The following OR51B5 variants were observed in gnomAD, a reference collection of about 807,000 sequenced individuals.
OR51B5 encodes the protein olfactory receptor family 51 subfamily B member 5.
For synonymous variants in OR51B5, 186 were observed against 144.8 expected (o/e 1.28, Z -2.04); for missense variants, 456 against 374.6 (o/e 1.22, Z -1.79).
intron 1 of OR51B5, among the ~76,000 whole-genome samples, chr11:5,435,319 G>A (rs1850578045): frequency 6.6e-6 from 1 of 152,200 alleles, no homozygotes; most frequent in East Asian, 1.9e-4. Context: ...TATAGATAAT[G>A]TTGCAGACTC....
chr11:5,376,170 A>G (rs4366516), intron 1 of OR51B5, among the ~76,000 whole-genome samples: 40,093 of 151,040 alleles, frequency 0.27, 5,537 homozygotes, highest in African/African-American at 0.31. Flanking sequence ...ACTCAAAACC[A>G]CTCAACTACA....
intron 1 of OR51B5, chr11:5,385,224 A>G (rs1025392719): frequency 6.6e-6 from 1 of 152,194 alleles, no homozygotes; most frequent in Admixed American, 6.5e-5. Context: ...GACATGAAAA[A>G]ATGACTGTTG....
rs139565045 is a variant in OR51B5 at position 5,363,822 on chromosome 11, C to A, written n.85-16912G>T. On this transcript the variant is annotated intron_variant and non_coding_transcript_variant, in intron 1 of 4. Transcript: ENST00000415970. The stretch of plus-strand genomic sequence containing the variant: ...ATACATCCAGACTATATTTAGTGTA[C>A]AATAGAAAGCAATTACCATAGCAAT... Among the ~76,000 whole-genome samples the A allele has an allele frequency of 1.2e-3, 178 of 152,178 alleles. 2 individuals carry two copies. Among genetic ancestry groups the A allele is most frequent in the African/African-American group, 4.0e-3 (168 of 41,510 alleles).
chr11:5,379,394 G>T lies in OR51B5; in HGVS notation n.85-32484C>A, dbSNP rs987982790. Among the ~76,000 whole-genome samples, 3 of 151,536 alleles carry T rather than the reference G, an allele frequency of 2.0e-5. No individual in the cohort carries two copies. The South Asian group carries it at 6.3e-4, about 32-fold the overall frequency. On this transcript the variant is annotated intron_variant and non_coding_transcript_variant, in intron 1 of 4. Coordinates refer to the OR51B5 transcript ENST00000415970. ...GTTAATGGGTGCAGCACACCAACATGGCACATGTATACATATGTAACTAAC... is the reference window on the plus strand; with the variant it reads ...GTTAATGGGTGCAGCACACCAACATTGCACATGTATACATATGTAACTAAC...
intron 1 of OR51B5, chr11:5,422,270 G>A (rs774933989): frequency 1.9e-6 from 3 of 1,613,928 alleles, no homozygotes; most frequent in Admixed American, 1.7e-5. Flanking sequence ...TGGATTTGAG[G>A]CCTCCCACAT....
At chr11:5,478,302 T>C (rs575224165) in intron 1 of OR51B5, among the ~76,000 whole-genome samples, 8 of 151,950 alleles carry the variant, frequency 5.3e-5, no homozygotes, top group African/African-American at 4.8e-5. Context: ...CTGAGGGTCC[T>C]GTCTGTTAGA....
intron 1 of OR51B5, chr11:5,391,886 C>A: frequency 6.6e-6 from 1 of 152,184 alleles, no homozygotes; most frequent in South Asian, 2.1e-4. Flanking sequence ...CTGAACAATA[C>A]AGCAAGACCC....
chr11:5,495,896 T>C (rs930682238), intron 1 of OR51B5, among the ~76,000 whole-genome samples: 8 of 152,276 alleles, frequency 5.3e-5, no homozygotes, highest in Admixed American at 5.2e-4. Context: ...AAAGTTATTC[T>C]CCATAAAATT....
At chr11:5,413,757 A>C (rs1273173312) in intron 1 of OR51B5, among the ~76,000 whole-genome samples, 1 of 152,066 alleles carries the variant, frequency 6.6e-6, no homozygotes, top group Non-Finnish European at 1.5e-5. Flanking sequence ...GAAACGAGCA[A>C]AGCCTCCAAG....
At chr11:5,424,134 C>G (rs1850404038) in intron 1 of OR51B5, among the ~76,000 whole-genome samples, 2 of 152,128 alleles carry the variant, frequency 1.3e-5, no homozygotes, top group African/African-American at 2.4e-5. Flanking sequence ...TTGCTGGATT[C>G]ATGGTGCAGG....
intron 1 of OR51B5, among the ~76,000 whole-genome samples, chr11:5,378,323 A>C (rs1388613242): frequency 6.6e-6 from 1 of 152,064 alleles, no homozygotes; most frequent in African/African-American, 2.4e-5. Flanking sequence ...AGATGGATTA[A>C]AGACTTAAAC....
At chr11:5,477,979 C>G (rs895894734) in intron 1 of OR51B5, among the ~76,000 whole-genome samples, 5 of 151,882 alleles carry the variant, frequency 3.3e-5, no homozygotes, top group African/African-American at 1.2e-4. Flanking sequence ...AACAAAGCAG[C>G]CGGGAAGCTC....
chr11:5,483,514 A>AAAAAAAG (rs1554896858), intron 1 of OR51B5, among the ~76,000 whole-genome samples: 7 of 140,934 alleles, frequency 5.0e-5, no homozygotes, highest in South Asian at 4.9e-4. Context: ...TAATTAAAAA[A>AAAAAAAG]AAAAGAAAAG....
chr11:5,402,636 A>G (rs1232847322), intron 1 of OR51B5: 1 of 471,274 alleles, frequency 2.1e-6, no homozygotes, highest in South Asian at 1.5e-5. Flanking sequence ...TTTACCTACG[A>G]CTTTCATTTT....
At chr11:5,383,103 T>C (rs2647551) in intron 1 of OR51B5, among the ~76,000 whole-genome samples, 62,720 of 151,744 alleles carry the variant, frequency 0.41, 13,190 homozygotes, top group South Asian at 0.54. Flanking sequence ...TTTTTTTTTT[T>C]CTAAATGTTG....
At chr11:5,488,631 A>G (rs1013979693) in intron 1 of OR51B5, 6 of 1,110,758 alleles carry the variant, frequency 5.4e-6, no homozygotes, top group Non-Finnish European at 7.9e-6. Context: ...GTTTTACATA[A>G]ATCAACCAAA....
intron 1 of OR51B5, among the ~76,000 whole-genome samples, chr11:5,378,458 A>G (rs983417600): frequency 6.6e-6 from 1 of 152,208 alleles, no homozygotes; most frequent in Non-Finnish European, 1.5e-5. Flanking sequence ...AAAATTCACT[A>G]ATGGGATCTA....
At chr11:5,454,001 C>T (rs138446220) in intron 1 of OR51B5, 1 of 1,613,982 alleles carries the variant, frequency 6.2e-7, no homozygotes, top group Non-Finnish European at 8.5e-7. Context: ...TCTGCAGATC[C>T]AATGTTCTTT....
At chr11:5,461,493 C>T (rs1443648881) in intron 1 of OR51B5, among the ~76,000 whole-genome samples, 1 of 152,060 alleles carries the variant, frequency 6.6e-6, no homozygotes, top group Non-Finnish European at 1.5e-5. Context: ...TTGCCCTGTC[C>T]CGTGGGCAAG....
Sources: allele counts gnomAD v4.1 joint callset (sites outside exome capture counted in the v4.1 genomes callset), GRCh38; gene constraint gnomAD v4.1.1; transcripts MANE v1.5; gene names NCBI Gene and HGNC (gene_info 2026-07-23, HGNC 2026-07-21).